TENM3: variants seen among roughly 807,000 people sequenced by gnomAD.
TENM3 encodes the protein teneurin transmembrane protein 3.
A neutral mutation model predicts 255.1 loss-of-function variants in TENM3; 63 were observed. That is an observed-to-expected ratio of 0.25 (90% CI 0.20 to 0.30). The LOEUF (loss-of-function observed/expected upper bound fraction) is 0.30. TENM3 is among the 10% of genes least tolerant of loss of function. TENM3 has a pLI of 1.00. For missense variants in TENM3, 2,929 were observed against 3,461.1 expected (o/e 0.85, Z 3.86); for synonymous variants, 1,306 against 1,322.3 (o/e 0.99, Z 0.27).
intron 1 of TENM3, among the ~76,000 whole-genome samples, chr4:182,145,421 C>G (rs1047046893): frequency 2.0e-5 from 3 of 152,142 alleles, no homozygotes; most frequent in Non-Finnish European, 4.4e-5. Context: ...TATGAGCCTG[C>G]AACTGAGATT....
chr4:182,201,014 G>A (rs1754154648), intron 1 of TENM3, among the ~76,000 whole-genome samples: 2 of 151,566 alleles, frequency 1.3e-5, no homozygotes, highest in South Asian at 4.2e-4. Context: ...TAGTCGAGAT[G>A]GGGTTTCACC....
At chr4:182,130,300 C>T in the TENM3 span, among the ~76,000 whole-genome samples, 2 of 152,062 alleles carry the variant, frequency 1.3e-5, no homozygotes, top group Admixed American at 1.3e-4. Context: ...GACACAAATT[C>T]CATTAGTGGT....
chr4:181,618,410 G>A, the TENM3 span, among the ~76,000 whole-genome samples: 2 of 152,208 alleles, frequency 1.3e-5, no homozygotes, highest in Non-Finnish European at 2.9e-5. Context: ...GCTGGAAAAG[G>A]CAGTCAAGGG....
the TENM3 span, among the ~76,000 whole-genome samples, chr4:181,459,111 G>A: frequency 6.6e-6 from 1 of 151,804 alleles, no homozygotes; most frequent in African/African-American, 2.4e-5. Flanking sequence ...GTGTATAGTG[G>A]TATCTGATTA....
the TENM3 span, among the ~76,000 whole-genome samples, chr4:181,809,267 C>G: frequency 1.3e-5 from 2 of 152,116 alleles, no homozygotes; most frequent in Non-Finnish European, 2.9e-5. Context: ...TATTCAAATT[C>G]AAAAAGGACC....
the TENM3 span, among the ~76,000 whole-genome samples, chr4:181,829,061 G>T: frequency 6.6e-6 from 1 of 152,200 alleles, no homozygotes; most frequent in Admixed American, 6.5e-5. Context: ...AGACATAGGG[G>T]AGACAGTACT....
chr4:182,673,599 T>C (rs1394030707), intron 7 of TENM3, among the ~76,000 whole-genome samples: 1 of 152,228 alleles, frequency 6.6e-6, no homozygotes, highest in Non-Finnish European at 1.5e-5. Context: ...CTAACACGTA[T>C]TCATTCTGTT....
At chr4:182,240,337 C>G (rs776393323), upstream of TENM3, among the ~76,000 whole-genome samples, 1 of 152,154 alleles carries the variant, frequency 6.6e-6, no homozygotes, top group African/African-American at 2.4e-5. Flanking sequence ...GAGAGAGACA[C>G]GTTCCTACGA....
At chr4:181,606,614 T>C in the TENM3 span, among the ~76,000 whole-genome samples, 3 of 152,232 alleles carry the variant, frequency 2.0e-5, no homozygotes, top group Non-Finnish European at 2.9e-5. Flanking sequence ...CACATGCAGG[T>C]ACTAGAGCCT....
the TENM3 span, among the ~76,000 whole-genome samples, chr4:182,056,180 G>T: frequency 6.6e-6 from 1 of 152,046 alleles, no homozygotes; most frequent in East Asian, 1.9e-4. Flanking sequence ...GAATTTATAA[G>T]CTCTGCATGC....
intron 3 of TENM3, among the ~76,000 whole-genome samples, chr4:182,533,702 T>C (rs1740002509): frequency 6.6e-6 from 1 of 151,932 alleles, no homozygotes. Flanking sequence ...GATCACGGGG[T>C]CAGGAGTTCG....
chr4:181,568,828 C>A, the TENM3 span, among the ~76,000 whole-genome samples: 1 of 152,070 alleles, frequency 6.6e-6, no homozygotes, highest in African/African-American at 2.4e-5. Context: ...TCCTGTGACA[C>A]AAAGGGCACA....
intron 3 of TENM3, among the ~76,000 whole-genome samples, chr4:182,598,446 T>TA (rs1747497367): frequency 6.6e-6 from 1 of 152,206 alleles, no homozygotes; most frequent in South Asian, 2.1e-4. Flanking sequence ...AGCAGACACT[T>TA]ACAAAATGAA....
chr4:182,514,662 T>C lies in TENM3; in HGVS notation c.512-86262T>C, dbSNP rs540237671. Among the ~76,000 whole-genome samples, 6 of 152,326 alleles carry C rather than the reference T, an allele frequency of 3.9e-5. No individual in the cohort carries two copies. The South Asian group carries it at 6.2e-4, about 16-fold the overall frequency. On this transcript the variant is annotated intron_variant, in intron 3 of 27. Transcript: ENST00000511685. Reference sequence around the variant, plus strand: ...TGTGCCATTCATTTTGTTTCATTTTTTGTGTGTGCTGTAAGCCACTAAATT... The same window carrying C: ...TGTGCCATTCATTTTGTTTCATTTTCTGTGTGTGCTGTAAGCCACTAAATT...
chr4:181,922,129 A>C, the TENM3 span, among the ~76,000 whole-genome samples: 2 of 151,880 alleles, frequency 1.3e-5, no homozygotes, highest in Non-Finnish European at 2.9e-5. Context: ...TGCTGGATTC[A>C]GTTTGCCAGT....
the TENM3 span, among the ~76,000 whole-genome samples, chr4:181,946,177 T>C: frequency 6.6e-6 from 1 of 152,164 alleles, no homozygotes; most frequent in African/African-American, 2.4e-5. Flanking sequence ...AATATATCTC[T>C]AGAATATATT....
the TENM3 span, among the ~76,000 whole-genome samples, chr4:181,617,608 G>A: frequency 6.6e-6 from 1 of 152,190 alleles, no homozygotes; most frequent in Non-Finnish European, 1.5e-5. Context: ...ATGGTGATTA[G>A]TTGGAGGTTC....
chr4:181,995,041 C>T, the TENM3 span, among the ~76,000 whole-genome samples: 1 of 152,122 alleles, frequency 6.6e-6, no homozygotes, highest in African/African-American at 2.4e-5. Flanking sequence ...GTAATCCCAG[C>T]ACTTTGAGAA....
At chr4:182,588,012 C>T (rs552312279) in intron 3 of TENM3, among the ~76,000 whole-genome samples, 1 of 152,108 alleles carries the variant, frequency 6.6e-6, no homozygotes, top group Admixed American at 6.5e-5. Context: ...TTTGTACTAT[C>T]AATCCCTTAA....
Sources: gnomAD v4.1 joint callset for allele counts (sites outside exome capture counted in the v4.1 genomes callset) on GRCh38, gnomAD v4.1.1 for gene constraint, MANE v1.5 for transcripts, NCBI Gene and HGNC (gene_info 2026-07-23, HGNC 2026-07-21) for gene names.